RUNX1T1: variants seen among roughly 807,000 people sequenced by gnomAD.
RUNX1T1 encodes RUNX1 partner transcriptional co-repressor 1.
RUNX1T1 carries 4 observed loss-of-function variants against 62.8 expected under a neutral mutation model. The ratio of observed to expected loss-of-function variants is 0.06; its 90% confidence interval spans 0.03 to 0.15. RUNX1T1 has a LOEUF of 0.15. Among genes scored for constraint, RUNX1T1 ranks in the 10% least tolerant of loss-of-function variants. The probability of loss-of-function intolerance (pLI) is 1.00; values close to 1 mark genes in which losing one functional copy is unlikely to be tolerated. For synonymous variants in RUNX1T1, 291 were observed against 286.0 expected, an observed-to-expected ratio of 1.02 and a Z score of -0.18; for missense variants, 508 against 754.3, an observed-to-expected ratio of 0.67 and a Z score of 3.82.
chr8:92,026,656 C>T lies in RUNX1T1; in HGVS notation c.8-9293G>A, dbSNP rs1375003193. Among the ~76,000 whole-genome samples the T allele has an allele frequency of 7.3e-5, 11 of 150,936 alleles. No homozygotes were observed. The East Asian group carries it at 7.8e-4, about 11-fold the overall frequency. Reference sequence around the variant, plus strand: ...CTAACACAGTGAAACCCCGTCTCTACGAAAAATATGAAAAAATTAGCCTGG... The same window carrying T: ...CTAACACAGTGAAACCCCGTCTCTATGAAAAATATGAAAAAATTAGCCTGG... On this transcript the variant is annotated intron_variant, in intron 1 of 10. Transcript: ENST00000396218.
intron 5 of RUNX1T1, chr8:91,994,452 A>G: frequency 3.3e-6 from 1 of 298,614 alleles, no homozygotes; most frequent in South Asian, 3.3e-5. Flanking sequence ...GAAGACTATT[A>G]GTGGCTATGA....
chr8:92,028,153 AAGGTT>A (rs1177567114), intron 1 of RUNX1T1, among the ~76,000 whole-genome samples: 45 of 148,746 alleles, frequency 3.0e-4, no homozygotes, highest in African/African-American at 1.1e-3. Flanking sequence ...GGAAGGAAGA[AAGGTT>A]AGTTTCTGCC....
chr8:91,968,169 G>T (rs533329813), intron 10 of RUNX1T1, among the ~76,000 whole-genome samples: 11 of 152,030 alleles, frequency 7.2e-5, no homozygotes, highest in Non-Finnish European at 1.2e-4. Context: ...TCTGCCACAC[G>T]TATCTGCCTC....
At chr8:92,021,592 C>T (rs1824103867) in intron 1 of RUNX1T1, among the ~76,000 whole-genome samples, 1 of 152,122 alleles carries the variant, frequency 6.6e-6, no homozygotes, top group Admixed American at 6.5e-5. Context: ...CAAATGTTGA[C>T]TCTCTCCACC....
intron 3 of RUNX1T1, 27 bp from the exon 5 acceptor site, chr8:92,011,118 T>C: frequency 8.1e-7 from 1 of 1,229,744 alleles, no homozygotes; most frequent in Non-Finnish European, 1.2e-6. Context: ...GTAGTATAAA[T>C]ACATTAGCCT....
In RUNX1T1 at chr8:91,980,697, G is replaced by C. The variant is rs114391335; in HGVS notation, c.1199-4724C>G. Among the ~76,000 whole-genome samples, 455 of 152,206 alleles carry C rather than the reference G, an allele frequency of 3.0e-3. 3 individuals are homozygous for C. Among genetic ancestry groups the C allele is most frequent in the African/African-American group, 0.011 (446 of 41,524 alleles). ...TTTTTAATTTTATATTTTGAGACAA[G>C]GTCTTGCTCTGTTGCCCAGGCTGCG... is the stretch of plus-strand genomic sequence containing the variant. On this transcript the variant is annotated intron_variant, in intron 8 of 10. Coordinates refer to ENST00000396218, the Ensembl canonical transcript of RUNX1T1.
intron 1 of RUNX1T1, among the ~76,000 whole-genome samples, chr8:92,024,556 C>T (rs1237306931): frequency 1.4e-5 from 2 of 147,774 alleles, no homozygotes; most frequent in Non-Finnish European, 3.0e-5. Context: ...AGATATCCTC[C>T]TAAACTCCAC....
intron 9 of RUNX1T1, among the ~76,000 whole-genome samples, chr8:91,972,192 A>G (rs1812987152): frequency 6.6e-6 from 1 of 152,118 alleles, no homozygotes; most frequent in African/African-American, 2.4e-5. Flanking sequence ...AAGAGATGCA[A>G]GTACTCCTAT....
chr8:92,095,463 C>T lies in RUNX1T1; in HGVS notation c.-86+4117G>A, dbSNP rs542373536. The T allele has an allele frequency of 3.9e-6, 6 of 1,534,516 alleles. No homozygotes were observed. In the East Asian group the frequency reaches 1.2e-4, roughly 31 times the overall value. On this transcript the variant is annotated intron_variant, in intron 1 of 11. Transcript: ENST00000265814. The stretch of plus-strand genomic sequence containing the variant: ...AGAAGTAAAAGCCTTGTCAGGATGG[C>T]ACATTGTGTGTGAGTGAGTGTGTGA...
At chr8:91,991,511 A>G in intron 6 of RUNX1T1, 128 bp downstream of exon 7, 1 of 1,040,326 alleles carries the variant, frequency 9.6e-7, no homozygotes, top group Non-Finnish European at 1.4e-6. Flanking sequence ...AAAGGAGACA[A>G]TATAAAGCAA....
At chr8:92,035,419 A>G (rs1349490604) in intron 1 of RUNX1T1, among the ~76,000 whole-genome samples, 1 of 152,088 alleles carries the variant, frequency 6.6e-6, no homozygotes, top group African/African-American at 2.4e-5. Flanking sequence ...CATTTGGTAC[A>G]CTAAAAGCCT....
Position 92,037,683 on chromosome 8 carries a change from A to T in RUNX1T1, c.8-20320T>A, listed in dbSNP as rs148475218. On this transcript the variant is annotated intron_variant, in intron 1 of 10. Transcript: ENST00000396218. ...GACAGAGGGAATCCATCTCAAAAAAAATAAATTTAAAAAGTAAAAAAAATC... is the reference window on the plus strand; with the variant it reads ...GACAGAGGGAATCCATCTCAAAAAATATAAATTTAAAAAGTAAAAAAAATC... Among the ~76,000 whole-genome samples the T allele has an allele frequency of 4.8e-4, 73 of 152,252 alleles. No individual in the cohort carries two copies. The East Asian group carries it at 5.6e-3, about 12-fold the overall frequency.
intron 1 of RUNX1T1, among the ~76,000 whole-genome samples, chr8:92,020,160 T>C (rs1039360677): frequency 1.3e-5 from 2 of 152,194 alleles, no homozygotes; most frequent in Non-Finnish European, 2.9e-5. Context: ...AGATAGATGG[T>C]GAAATAACCA....
chr8:91,964,995 A>T (rs1811271796), intron 10 of RUNX1T1, among the ~76,000 whole-genome samples: 1 of 152,224 alleles, frequency 6.6e-6, no homozygotes, highest in Non-Finnish European at 1.5e-5. Flanking sequence ...GGGTTATGTC[A>T]GTGCTAAGCA....
chr8:92,035,047 C>T (rs1257373916), intron 1 of RUNX1T1, among the ~76,000 whole-genome samples: 1 of 152,012 alleles, frequency 6.6e-6, no homozygotes, highest in East Asian at 1.9e-4. Flanking sequence ...GTAATCCCAG[C>T]ACTTTGGGAG....
chr8:91,996,350 C>T lies in RUNX1T1; in HGVS notation c.660-4461G>A, dbSNP rs141811680. On this transcript the variant is annotated intron_variant, in intron 5 of 10. Coordinates refer to ENST00000396218, the Ensembl canonical transcript of RUNX1T1. Reference sequence around the variant, plus strand: ...CTGAGTAGCTGGGACTACAGGCGCCCGCCACCACGCCTGGCTAACTTTTTG... The same window carrying T: ...CTGAGTAGCTGGGACTACAGGCGCCTGCCACCACGCCTGGCTAACTTTTTG... Among the ~76,000 whole-genome samples, 1,080 of 152,126 alleles carry T rather than the reference C, an allele frequency of 7.1e-3. 13 individuals carry two copies. The highest frequency in any genetic ancestry group is 0.024 in the African/African-American group (1,005 of 41,518).
intron 9 of RUNX1T1, 22 bp from the exon 11 acceptor site, chr8:91,970,870 C>T (rs547430243): frequency 8.9e-6 from 14 of 1,570,790 alleles, no homozygotes; most frequent in Non-Finnish European, 1.1e-5. Flanking sequence ...TCAGGCCAAA[C>T]CAGACAAGAA....
chr8:92,049,002 G>A (rs1829836888), intron 1 of RUNX1T1, among the ~76,000 whole-genome samples: 1 of 152,166 alleles, frequency 6.6e-6, no homozygotes, highest in Admixed American at 6.6e-5. Context: ...GGTCTCTTCT[G>A]GAGGCCTGTG....
chr8:92,069,453 A>G (rs1267902259), intron 2 of RUNX1T1, among the ~76,000 whole-genome samples: 1 of 152,176 alleles, frequency 6.6e-6, no homozygotes, highest in Admixed American at 6.5e-5. Flanking sequence ...TTTCTTTCAC[A>G]GGACTTTCAT....
Sources: gnomAD v4.1 joint callset for allele counts (sites outside exome capture counted in the v4.1 genomes callset) on GRCh38, gnomAD v4.1.1 for gene constraint, MANE v1.5 for transcripts, NCBI Gene and HGNC (gene_info 2026-07-23, HGNC 2026-07-21) for gene names.